The following CYP2A13 variants were observed in gnomAD, a reference collection of about 807,000 sequenced individuals.
CYP2A13 encodes cytochrome P450 family 2 subfamily A member 13.
Under a neutral mutation model 39.4 loss-of-function variants are expected in CYP2A13, and 30 were observed. The ratio of observed to expected loss-of-function variants is 0.76; its 90% CI spans 0.57 to 1.03. CYP2A13 has a LOEUF of 1.03. Among genes scored for constraint, CYP2A13 ranks in the 50% least tolerant of loss-of-function variants. The probability of loss-of-function intolerance (pLI) is 0.00; values close to 1 mark genes in which losing one functional copy is unlikely to be tolerated. For missense variants in CYP2A13, 731 were observed against 648.4 expected (o/e 1.13, Z -1.38); for synonymous variants, 269 against 254.7 (o/e 1.06, Z -0.54).
At chr19:41,095,175 C>T (rs961481096) in intron 8 of CYP2A13, 75 bp downstream of exon 8, 37 of 1,611,946 alleles carry the variant, frequency 2.3e-5, no homozygotes, top group South Asian at 6.6e-5. Context: ...CCCCTCTCTG[C>T]GGTGTAGCCT....
At chr19:41,090,725 G>A (rs1198087804) in intron 4 of CYP2A13, among the ~76,000 whole-genome samples, 161 bp downstream of exon 4, 4 of 151,984 alleles carry the variant, frequency 2.6e-5, no homozygotes, top group Admixed American at 2.6e-4. Flanking sequence ...GAACCCAGGA[G>A]GGATGCCCAA....
intron 1 of CYP2A13, 86 bp downstream of exon 1, chr19:41,088,737 A>G (rs540063656): frequency 2.1e-5 from 32 of 1,556,534 alleles, no homozygotes; most frequent in Middle Eastern, 1.7e-4. Flanking sequence ...ACCAGTGTGG[A>G]CCAGAGTCTT....
intron 5 of CYP2A13, 71 bp from the exon 6 acceptor site, chr19:41,093,559 A>C (rs1034582645): frequency 1.9e-6 from 3 of 1,589,680 alleles, no homozygotes; most frequent in Admixed American, 3.6e-5. Context: ...AGGTAGCTCC[A>C]AAGGAAAAGC....
In CYP2A13 at chr19:41,091,797, G is replaced by C; in HGVS notation, c.720G>C (p.Glu240Asp). 12 of 1,614,174 alleles carry C rather than the reference G, an allele frequency of 7.4e-6. No individual in the cohort carries two copies. Among genetic ancestry groups the C allele is most frequent in the Non-Finnish European group, 1.0e-5 (12 of 1,180,012 alleles). The change falls in exon 5 of 9, where the codon GAG becomes GAC. Residue 240 changes from glutamate (E) to aspartate (D), a missense_variant. Physicochemically the swap from Glu to Asp is conservative, Grantham distance 45. Transcript: ENST00000330436. ...GACCACAGCAACAGGCCTTTAAGGAGCTGCAAGGGCTGGAGGACTTCATCG... is the reference window on the plus strand; with the variant it reads ...GACCACAGCAACAGGCCTTTAAGGACCTGCAAGGGCTGGAGGACTTCATCG... Reference protein sequence around the residue: ...LPGPQQQAFKELQGLEDFIAK... With the variant: ...LPGPQQQAFKDLQGLEDFIAK...
chr19:41,094,688 C>A (rs1398589749), intron 7 of CYP2A13, among the ~76,000 whole-genome samples: 1 of 152,098 alleles, frequency 6.6e-6, no homozygotes, highest in Non-Finnish European at 1.5e-5. Context: ...AACAGAAGCC[C>A]CCTTTCCATT....
intron 7 of CYP2A13, 66 bp from the exon 8 acceptor site, chr19:41,094,893 C>G: frequency 6.3e-7 from 1 of 1,587,846 alleles, no homozygotes; most frequent in Non-Finnish European, 8.6e-7. Context: ...CCCCCTGCAG[C>G]CCCTGTGTAC....
chr19:41,095,684 C>T (rs887693207), intron 8 of CYP2A13, 76 bp from the exon 9 acceptor site: 2 of 1,567,172 alleles, frequency 1.3e-6, no homozygotes, highest in African/African-American at 1.4e-5. Context: ...CTAGAGAGTG[C>T]AGCCGGGGGT....
chr19:41,094,169 C>T (rs796995640), intron 6 of CYP2A13, 76 bp from the exon 7 acceptor site: 10 of 1,571,156 alleles, frequency 6.4e-6, no homozygotes, highest in South Asian at 2.4e-5. Flanking sequence ...TGTCAACCAC[C>T]GTGTTTTACC....
chr19:41,093,199 C>T lies in CYP2A13; in HGVS notation c.832-431C>T, dbSNP rs566311002. On this transcript the variant is annotated intron_variant, in intron 5 of 8. Coordinates refer to ENST00000330436, the MANE Select transcript of CYP2A13 (RefSeq NM_000766.5). ...TCCAGCCTGGGTGACAGAATAAGAC[C>T]GTGTCTCAAAAAAAAAAAAAGAATT... 2.9e-4 allele frequency among the ~76,000 whole-genome samples: 44 copies of T among 150,080 alleles called. 1 individual carries two copies. Among genetic ancestry groups the T allele is most frequent in the African/African-American group, 9.1e-4 (37 of 40,740 alleles).
rs2031296814 is a variant in CYP2A13, at chr19:41,095,920, CAT to C, written c.1465_1466del (p.Met489GlufsTer82). 1 of 1,613,006 alleles carries C rather than the reference CAT, an allele frequency of 6.2e-7. No homozygotes were observed. Among genetic ancestry groups the C allele is most frequent in the South Asian group, 1.1e-5 (1 of 91,048 alleles). ...GFATIPRNYT[M>X]SFLPR Reference sequence around the variant, plus strand: ...TTGCCACGATCCCACGAAACTACACCATGAGCTTCCTGCCCCGCTGAGCGAGG... The same window carrying C: ...TTGCCACGATCCCACGAAACTACACCGAGCTTCCTGCCCCGCTGAGCGAGG... On this transcript the variant is annotated frameshift_variant, in exon 9 of 9. Coordinates refer to ENST00000330436, the MANE Select transcript of CYP2A13 (RefSeq NM_000766.5). LOFTEE classifies it high-confidence loss of function.
chr19:41,089,230 A>ATCG, intron 2 of CYP2A13, 139 bp downstream of exon 2: 11 of 1,450,238 alleles, frequency 7.6e-6, no homozygotes, highest in Non-Finnish European at 1.0e-5. Flanking sequence ...ATCTCCCTTC[A>ATCG]TCGTGGCCTC....
chr19:41,088,770 C>T, intron 1 of CYP2A13, 119 bp downstream of exon 1: 1 of 1,535,368 alleles, frequency 6.5e-7, no homozygotes, highest in Admixed American at 2.0e-5. Context: ...CTTGGAGTTT[C>T]AGCATCAGGG....
Position 41,088,653 on chromosome 19 carries a change from T to C in CYP2A13, c.180+2T>C. On this transcript the variant is annotated splice_donor_variant, in intron 1 of 8. Transcript: ENST00000330436. LOFTEE classifies it high-confidence loss of function. ...CAGATGTACAACTCCCTCATGAAGG[T>C]GTCCTAAGGCAGGGAGATGGGTGGC... 6.2e-7 allele frequency: 1 copy of C among 1,612,654 alleles called. No individual in the cohort carries two copies. The highest frequency in any genetic ancestry group is 1.3e-5 in the African/African-American group (1 of 75,018).
At chr19:41,089,242 C>T in intron 2 of CYP2A13, 151 bp downstream of exon 2, 1 of 1,358,776 alleles carries the variant, frequency 7.4e-7, no homozygotes. Context: ...CGTGGCCTCT[C>T]CCTGTGCGTC....
chr19:41,092,228 A>G (rs1422929709), intron 5 of CYP2A13, among the ~76,000 whole-genome samples: 2 of 148,430 alleles, frequency 1.3e-5, no homozygotes, highest in Non-Finnish European at 3.0e-5. Context: ...AGACAGAAGA[A>G]TTGTTTGAAT....
intron 4 of CYP2A13, 82 bp from the exon 5 acceptor site, chr19:41,091,650 C>T (rs2031190808): frequency 2.5e-6 from 4 of 1,568,712 alleles, no homozygotes; most frequent in Admixed American, 3.6e-5. Context: ...TCCTTCCTTG[C>T]TATGAAACAA....
rs777304704 is a variant in CYP2A13, at chr19:41,091,741, A to G, written c.664A>G (p.Met222Val). 8.1e-6 allele frequency: 13 copies of G among 1,613,804 alleles called. No homozygotes were observed. In the Admixed American group the frequency reaches 2.0e-4, roughly 25 times the overall value. Residue 222 changes from methionine to valine, a missense_variant, in exon 5 of 9, where the codon ATG becomes GTG. Transcript: ENST00000330436. ...CTCTCTGCAACCCCAGCTCTATGAG[A>G]TGTTCTCTTCGGTGATGAAACACCT... ...TATSTGQLYE[M>V]FSSVMKHLPG...
intron 5 of CYP2A13, among the ~76,000 whole-genome samples, chr19:41,093,022 G>A (rs2031224551): frequency 6.6e-6 from 1 of 151,882 alleles, no homozygotes; most frequent in African/African-American, 2.4e-5. Flanking sequence ...GTAACAGACT[G>A]GGAAACATGG....
At chr19:41,089,217 C>T in intron 2 of CYP2A13, 126 bp downstream of exon 2, 1 of 1,496,676 alleles carries the variant, frequency 6.7e-7, no homozygotes, top group Non-Finnish European at 9.0e-7. Context: ...GTCTTCTCTC[C>T]CCATCTCCCT....
Sources: gnomAD v4.1 joint callset for allele counts (sites outside exome capture counted in the v4.1 genomes callset) on GRCh38, gnomAD v4.1.1 for gene constraint, MANE v1.5 for transcripts, NCBI Gene and HGNC (gene_info 2026-07-23, HGNC 2026-07-21) for gene names.